The following LYST variants were observed in gnomAD, a reference collection of about 807,000 sequenced individuals.
LYST encodes the protein lysosomal trafficking regulator.
In LYST, 192 loss-of-function variants were observed where a neutral mutation model predicts 413.6. The ratio of observed to expected loss-of-function variants is 0.46; its 90% CI spans 0.41 to 0.52. The LOEUF is 0.52. Ranked by LOEUF, LYST falls within the 20% of genes least tolerant of loss-of-function variation. The pLI is 0.00. For missense variants in LYST, 3,815 were observed against 4,499.9 expected (o/e 0.85, Z 4.35); for synonymous variants, 1,525 against 1,567.3 (o/e 0.97, Z 0.64).
Position 235,792,137 on chromosome 1 carries a change from G to A in LYST, c.4117-12C>T, listed in dbSNP as rs1163013128. The A allele has an allele frequency of 1.9e-6, 3 of 1,551,250 alleles. No homozygotes were observed. In the Admixed American group the frequency reaches 5.0e-5, roughly 26 times the overall value. ...AGAAGAAGAATTTTCTAGAGAAAAAGAAAAACAAATGAAACTTTCTAATCA... is the reference window on the plus strand; with the variant it reads ...AGAAGAAGAATTTTCTAGAGAAAAAAAAAAACAAATGAAACTTTCTAATCA... On this transcript the variant is annotated splice_polypyrimidine_tract_variant and intron_variant, in intron 11 of 52. Coordinates refer to ENST00000389793, the MANE Select transcript of LYST (RefSeq NM_000081.4).
intron 40 of LYST, among the ~76,000 whole-genome samples, chr1:235,718,357 T>C (rs1229802209): frequency 6.6e-6 from 1 of 151,838 alleles, no homozygotes; most frequent in Non-Finnish European, 1.5e-5. Context: ...TGTGCAAGCA[T>C]ATTCACTTTT....
chr1:235,751,086 G>GA (rs1034492463), intron 28 of LYST, 124 bp downstream of exon 28: 23 of 978,056 alleles, frequency 2.4e-5, no homozygotes, highest in African/African-American at 1.6e-4. Context: ...TTTCCTTCAG[G>GA]AAAAAATCTT....
intron 8 of LYST, among the ~76,000 whole-genome samples, chr1:235,802,245 G>A (rs1191054345): frequency 6.9e-6 from 1 of 145,160 alleles, no homozygotes; most frequent in African/African-American, 2.6e-5. Context: ...ACACTCACAA[G>A]GTCAGCATAT....
At chr1:235,811,544 T>A (rs553476057) in intron 4 of LYST, among the ~76,000 whole-genome samples, 2 of 152,268 alleles carry the variant, frequency 1.3e-5, no homozygotes, top group East Asian at 3.9e-4. Context: ...GGGCCTGGCG[T>A]ATGGTCAACA....
At chr1:235,738,134 A>G (rs1321881859) in intron 31 of LYST, 1 of 1,608,506 alleles carries the variant, frequency 6.2e-7, no homozygotes, top group African/African-American at 1.3e-5. Context: ...AGGACTTGGC[A>G]GGCGAACTTG....
At chr1:235,850,126 T>G (rs1678356924) in intron 1 of LYST, among the ~76,000 whole-genome samples, 1 of 152,130 alleles carries the variant, frequency 6.6e-6, no homozygotes, top group Admixed American at 6.5e-5. Flanking sequence ...TTTCAAACTA[T>G]ACTATAAGGC....
At chr1:235,699,546 C>T (rs1306843010) in intron 45 of LYST, among the ~76,000 whole-genome samples, 1 of 152,142 alleles carries the variant, frequency 6.6e-6, no homozygotes, top group Non-Finnish European at 1.5e-5. Flanking sequence ...CATACGAGTG[C>T]ATGTGTCTTT....
At chr1:235,753,584 G>C (rs1031714320) in intron 25 of LYST, among the ~76,000 whole-genome samples, 11 of 152,084 alleles carry the variant, frequency 7.2e-5, no homozygotes, top group Non-Finnish European at 1.6e-4. Context: ...ATGTTTGGGG[G>C]CTTCAAGTGC....
intron 50 of LYST, among the ~76,000 whole-genome samples, chr1:235,665,700 TAAAAAAAGA>T: frequency 6.6e-6 from 1 of 152,008 alleles, no homozygotes; most frequent in African/African-American, 2.4e-5. Context: ...ACTTAATTCT[TAAAAAAAGA>T]AGAAAAAGTA....
rs182904700 is a variant in LYST at position 235,830,122 on chromosome 1, A to G, written c.192+104T>C. The G allele has an allele frequency of 3.9e-4, 320 of 814,222 alleles. 2 individuals carry two copies. The Middle Eastern group carries it at 4.7e-3, about 12-fold the overall frequency. The allele number at this position is 814,222 out of a possible 1,614,324, so 50.4% of individuals were successfully genotyped here. On this transcript the variant is annotated intron_variant, in intron 3 of 52. Transcript: ENST00000389793. The stretch of plus-strand genomic sequence containing the variant: ...TTAGTGGAATAATGTGAAAGACTGG[A>G]CTTTATCTCAAGGAGGCTTCAGAAA...
intron 28 of LYST, among the ~76,000 whole-genome samples, chr1:235,750,341 T>C (rs1462764960): frequency 3.9e-5 from 6 of 152,234 alleles, no homozygotes; most frequent in Non-Finnish European, 7.3e-5. Context: ...AATTTAAACA[T>C]ACTACTGCAA....
At chr1:235,729,390 T>C (rs528372547) in intron 37 of LYST, among the ~76,000 whole-genome samples, 122 of 152,338 alleles carry the variant, frequency 8.0e-4, no homozygotes, top group Non-Finnish European at 1.3e-3. Flanking sequence ...AAAATGCTAT[T>C]CATGTGCTTT....
chr1:235,770,059 G>T, intron 20 of LYST, 101 bp downstream of exon 20: 3 of 1,063,124 alleles, frequency 2.8e-6, no homozygotes, highest in Non-Finnish European at 4.2e-6. Context: ...AAAAAAAAAA[G>T]AAAAAAAGTC....
At position 235,759,388 on chromosome 1, in the gene LYST, T is replaced by C. The variant is rs1422769485; in HGVS notation, c.6465A>G (p.Thr2155=). Residue 2155 remains threonine, a synonymous_variant, in exon 23 of 53, where the codon ACA becomes ACG. Coordinates refer to ENST00000389793, the MANE Select transcript of LYST (RefSeq NM_000081.4). The part of the protein sequence containing the change: ...KKQNSLGSSD[T]LKKGKEDAFI... ...ATGCGTCCTCTTTGCCTTTTTTCAG[T>C]GTGTCGGAACTCCCCAAAGAATTTT... The C allele has an allele frequency of 8.7e-6, 14 of 1,614,050 alleles. No homozygotes were observed. The highest frequency in any genetic ancestry group is 2.7e-5 in the African/African-American group (2 of 74,934).
chr1:235,697,151 A>G lies in LYST; in HGVS notation c.10496T>C (p.Leu3499Pro). The G allele has an allele frequency of 6.2e-7, 1 of 1,614,240 alleles. No individual in the cohort carries two copies. The highest frequency in any genetic ancestry group is 8.5e-7 in the Non-Finnish European group (1 of 1,180,038). The change falls in exon 46 of 53, where the codon CTG becomes CCG. Residue 3499 changes from leucine to proline, a missense_variant. Around this residue, in one of 4 missense-constraint regions of LYST, gnomAD observed 866 missense variants for 1,156.0 expected, o/e 0.75. Coordinates refer to ENST00000389793, the MANE Select transcript of LYST (RefSeq NM_000081.4). ...CAAACCACAGATTGCTCTGGTGGGCAGAGCCTGGAGAGAGCCAAATCTTTC... is the reference window on the plus strand; with the variant it reads ...CAAACCACAGATTGCTCTGGTGGGCGGAGCCTGGAGAGAGCCAAATCTTTC... ...HGERFGSLQA[L>P]PTRAICGLSR...
rs771660253 is a variant in LYST, at chr1:235,833,197, A to T, written c.-8+381T>A. 1.8e-4 allele frequency among the ~76,000 whole-genome samples: 27 copies of T among 152,240 alleles called. 1 individual carries two copies. In the Middle Eastern group the frequency reaches 0.01, roughly 58 times the overall value. ...TCACCTCTTCCTAACAGAAATATTG[A>T]ATTTAATTGAATGACTTTCAGTCAT... On this transcript the variant is annotated intron_variant, in intron 2 of 52. Coordinates refer to ENST00000389793, the MANE Select transcript of LYST (RefSeq NM_000081.4).
At chr1:235,752,213 A>C in intron 26 of LYST, 42 bp from the exon 27 acceptor site, 1 of 1,430,330 alleles carries the variant, frequency 7.0e-7, no homozygotes, top group Non-Finnish European at 9.8e-7. Flanking sequence ...CATTTATAAG[A>C]AAAAGAACAA....
chr1:235,750,885 T>C (rs139311415), intron 28 of LYST, among the ~76,000 whole-genome samples: 327 of 152,284 alleles, frequency 2.1e-3, no homozygotes, highest in African/African-American at 7.7e-3. Flanking sequence ...CTGATGTAGA[T>C]TGCCCTGTTA....
At chr1:235,819,722 T>TG (rs1348553544) in intron 3 of LYST, among the ~76,000 whole-genome samples, 2 of 152,228 alleles carry the variant, frequency 1.3e-5, no homozygotes, top group African/African-American at 4.8e-5. Context: ...CTCGGCTCAC[T>TG]GCAAGCTCTG....
Sources: allele counts gnomAD v4.1 joint callset (sites outside exome capture counted in the v4.1 genomes callset), GRCh38; gene constraint gnomAD v4.1.1; regional missense constraint gnomAD v4.1.1; transcripts MANE v1.5; gene names NCBI Gene and HGNC (gene_info 2026-07-23, HGNC 2026-07-21).